The following TENM3 variants were observed in gnomAD, a reference collection of about 807,000 sequenced individuals.
The protein encoded by TENM3 is teneurin-3.
In TENM3, 63 loss-of-function variants were observed where a neutral mutation model predicts 255.1. That is an observed-to-expected ratio of 0.25 (90% CI 0.20 to 0.30). The LOEUF is 0.30. TENM3 is among the 10% of genes least tolerant of loss of function. TENM3 has a pLI of 1.00. For missense variants in TENM3, 2,929 were observed against 3,461.1 expected (o/e 0.85, Z 3.86); for synonymous variants, 1,306 against 1,322.3 (o/e 0.99, Z 0.27).
chr4:182,683,791 G>T (rs1669893780), intron 11 of TENM3, among the ~76,000 whole-genome samples: 1 of 152,152 alleles, frequency 6.6e-6, no homozygotes, highest in African/African-American at 2.4e-5. Context: ...TGATGGCGAA[G>T]AGACAAGCTG....
chr4:182,717,691 G>A (rs774890272), intron 13 of TENM3, among the ~76,000 whole-genome samples: 1 of 152,198 alleles, frequency 6.6e-6, no homozygotes, highest in Non-Finnish European at 1.5e-5. Context: ...AATGGGGCAC[G>A]TAGACACTTT....
chr4:182,312,518 A>G lies in TENM3; in HGVS notation c.-75-11428A>G, dbSNP rs143849717. ...CATCTGGAGTGATATCAAACTGTCT[A>G]TTTGGTTGTTTTTTTACCTAGTGTG... On this transcript the variant is annotated intron_variant, in intron 1 of 27. Coordinates refer to ENST00000511685, the MANE Select transcript of TENM3 (RefSeq NM_001080477.4). 4.6e-5 allele frequency among the ~76,000 whole-genome samples: 7 copies of G among 152,298 alleles called. No individual in the cohort carries two copies. The East Asian group carries it at 1.3e-3, about 29-fold the overall frequency.
the TENM3 span, among the ~76,000 whole-genome samples, chr4:181,738,115 C>G: frequency 6.6e-6 from 1 of 152,070 alleles, no homozygotes; most frequent in African/African-American, 2.4e-5. Flanking sequence ...GTTGTCCATA[C>G]AGTAATGTTT....
chr4:181,565,106 G>A, the TENM3 span, among the ~76,000 whole-genome samples: 5 of 152,166 alleles, frequency 3.3e-5, no homozygotes, highest in South Asian at 2.1e-4. Flanking sequence ...TTTACAGCCC[G>A]TTTAAACTGT....
intron 3 of TENM3, among the ~76,000 whole-genome samples, chr4:182,541,902 TA>T (rs1018511505): frequency 1.1e-4 from 16 of 146,138 alleles, no homozygotes; most frequent in Non-Finnish European, 1.2e-4. Flanking sequence ...CTACAAAACT[TA>T]AAAAAAAAAA....
At chr4:181,509,175 C>T in the TENM3 span, among the ~76,000 whole-genome samples, 2 of 151,968 alleles carry the variant, frequency 1.3e-5, no homozygotes, top group Admixed American at 6.6e-5. Flanking sequence ...GCAATTTTCA[C>T]GACCTATAAA....
chr4:182,639,820 G>C (rs1405603504), intron 5 of TENM3, among the ~76,000 whole-genome samples: 1 of 152,142 alleles, frequency 6.6e-6, no homozygotes, highest in Admixed American at 6.6e-5. Flanking sequence ...GACCGGGTGT[G>C]GTGGCTCACA....
rs1451348314 is a variant in TENM3 at position 182,754,060 on chromosome 4, A to G, written c.4018-325A>G. 6.6e-6 allele frequency among the ~76,000 whole-genome samples: 1 copy of G among 152,204 alleles called. No individual in the cohort carries two copies. Among genetic ancestry groups the G allele is most frequent in the Non-Finnish European group, 1.5e-5 (1 of 68,032 alleles). ...TCTATTCATAACCTAGAAAGCCCCA[A>G]CATTTGGTGGTTATTGCTGCCATAA... On this transcript the variant is annotated intron_variant, in intron 21 of 27. Transcript: ENST00000511685. This position sits in a 1 kb window ranked among gnomAD's most constrained non-coding sequence, Gnocchi z 5.1.
the TENM3 span, among the ~76,000 whole-genome samples, chr4:181,834,312 C>T: frequency 6.6e-6 from 1 of 152,014 alleles, no homozygotes; most frequent in African/African-American, 2.4e-5. Flanking sequence ...AGAGAGATGC[C>T]CAACTTATTC....
the TENM3 span, among the ~76,000 whole-genome samples, chr4:181,828,562 C>T: frequency 6.6e-6 from 1 of 152,032 alleles, no homozygotes; most frequent in East Asian, 1.9e-4. Context: ...AACACTTGAA[C>T]CCAGGATTTC....
At chr4:182,458,572 G>A (rs556764717) in intron 3 of TENM3, among the ~76,000 whole-genome samples, 1 of 152,120 alleles carries the variant, frequency 6.6e-6, no homozygotes, top group Non-Finnish European at 1.5e-5. Flanking sequence ...GTAGCTTCTT[G>A]TAGAAGTTCT....
chr4:182,681,823 T>C lies in TENM3; in HGVS notation c.1844T>C (p.Ile615Thr). 6.2e-7 allele frequency: 1 copy of C among 1,613,104 alleles called. No homozygotes were observed. The highest frequency in any genetic ancestry group is 8.5e-7 in the Non-Finnish European group (1 of 1,179,360). Residue 615 changes from isoleucine (I) to threonine (T), a missense_variant, in exon 11 of 28, where the codon ATA becomes ACA. Around this residue, in one of 6 missense-constraint regions of TENM3, gnomAD observed 1,608 missense variants for 1,884.4 expected, o/e 0.85. Transcript: ENST00000511685. Reference sequence around the variant, plus strand: ...CTTTTCTTTACACCAGCTGACTGTATAGACCCTGGGTGTTCTAATCATGGT... The same window carrying C: ...CTTTTCTTTACACCAGCTGACTGTACAGACCCTGGGTGTTCTAATCATGGT... Reference protein sequence around the residue: ...KGESCEEADCIDPGCSNHGVC... With the variant: ...KGESCEEADCTDPGCSNHGVC...
chr4:182,110,879 G>A, the TENM3 span, among the ~76,000 whole-genome samples: 1 of 152,152 alleles, frequency 6.6e-6, no homozygotes, highest in Non-Finnish European at 1.5e-5. Flanking sequence ...CGAAACTATA[G>A]AAACTATAAG....
chr4:181,566,961 A>G, the TENM3 span, among the ~76,000 whole-genome samples: 2 of 152,298 alleles, frequency 1.3e-5, no homozygotes, highest in African/African-American at 4.8e-5. Flanking sequence ...TGAAGATGCC[A>G]TCTTCCGAGA....
At position 182,607,709 on chromosome 4, in the gene TENM3, C is replaced by T. The variant is rs140228764; in HGVS notation, c.749+6548C>T. On this transcript the variant is annotated intron_variant, in intron 4 of 27. Coordinates refer to ENST00000511685, the MANE Select transcript of TENM3 (RefSeq NM_001080477.4). The stretch of plus-strand genomic sequence containing the variant: ...AGTTTCTTTTTAATAGCAATTAAGA[C>T]ACCAAGAAAGTATGCATTAATCATT... 3.9e-3 allele frequency among the ~76,000 whole-genome samples: 594 copies of T among 152,142 alleles called. 3 individuals are homozygous for T. Among genetic ancestry groups the T allele is most frequent in the African/African-American group, 0.014 (568 of 41,484 alleles).
At chr4:181,808,922 T>A in the TENM3 span, among the ~76,000 whole-genome samples, 1 of 152,226 alleles carries the variant, frequency 6.6e-6, no homozygotes, top group Non-Finnish European at 1.5e-5. Context: ...AGATGAGATG[T>A]GTTAACAATT....
intron 3 of TENM3, among the ~76,000 whole-genome samples, chr4:182,491,681 A>G (rs1208192320): frequency 6.6e-6 from 1 of 152,156 alleles, no homozygotes; most frequent in Admixed American, 6.5e-5. Context: ...AGTTGATTAT[A>G]AGAAGTCCCA....
the TENM3 span, among the ~76,000 whole-genome samples, chr4:181,842,642 T>C: frequency 6.6e-6 from 1 of 152,166 alleles, no homozygotes; most frequent in Non-Finnish European, 1.5e-5. Context: ...TGTTAAGAGG[T>C]CACCTGAGCA....
the TENM3 span, among the ~76,000 whole-genome samples, chr4:181,991,772 G>A: frequency 6.6e-6 from 1 of 152,148 alleles, no homozygotes. Flanking sequence ...GGTTACCTCT[G>A]TAGCCAGCCA....
Sources: gnomAD v4.1 joint callset for allele counts (sites outside exome capture counted in the v4.1 genomes callset) on GRCh38, gnomAD v4.1.1 for gene constraint, gnomAD v4.1.1 regional missense constraint, Gnocchi (gnomAD v3.1) non-coding constraint, MANE v1.5 for transcripts, NCBI Gene and HGNC (gene_info 2026-07-23, HGNC 2026-07-21) for gene names.